Variants in SYT1 observed in about 807,000 individuals in gnomAD.
SYT1 encodes synaptotagmin-1.
In SYT1, 8 loss-of-function variants were observed where a neutral mutation model predicts 44.8. The observed-to-expected ratio is 0.18, with a 90% CI of 0.10 to 0.32. SYT1 has a LOEUF of 0.32. SYT1 is among the 10% of genes least tolerant of loss of function. The pLI, the probability that SYT1 is intolerant of heterozygous loss-of-function variation, is 1.00. For synonymous variants in SYT1, 154 were observed against 188.8 expected (o/e 0.82, Z 1.51); for missense variants, 286 against 509.3 (o/e 0.56, Z 4.22).
intron 9 of SYT1, among the ~76,000 whole-genome samples, chr12:79,436,908 T>C (rs1378582147): frequency 2.0e-5 from 3 of 152,292 alleles, no homozygotes; most frequent in South Asian, 2.1e-4. Flanking sequence ...ACATGTACTT[T>C]ACGGTAGTAC....
intron 4 of SYT1, among the ~76,000 whole-genome samples, chr12:79,251,044 G>A (rs1877181316): frequency 6.6e-6 from 1 of 152,108 alleles, no homozygotes. Flanking sequence ...CAGTAAAGAA[G>A]ACTGCAAAAT....
intron 4 of SYT1, among the ~76,000 whole-genome samples, chr12:79,258,719 T>G (rs1877669037): frequency 1.3e-5 from 2 of 152,210 alleles, no homozygotes; most frequent in Non-Finnish European, 2.9e-5. Context: ...AGGTTACCCC[T>G]TAGGAAGAGA....
intron 3 of SYT1, among the ~76,000 whole-genome samples, chr12:79,066,619 T>A (rs1345563379): frequency 6.6e-6 from 1 of 152,182 alleles, no homozygotes; most frequent in African/African-American, 2.4e-5. Context: ...ATACTTAATC[T>A]AATATTCAAT....
chr12:78,873,082 ATTTG>A (rs1170207428), intron 1 of SYT1, among the ~76,000 whole-genome samples: 1 of 151,516 alleles, frequency 6.6e-6, no homozygotes, highest in Non-Finnish European at 1.5e-5. Flanking sequence ...CTGTATTTTT[ATTTG>A]TTTATTTATT....
At position 79,431,747 on chromosome 12, in the gene SYT1, T is replaced by C. The variant is rs949582260; in HGVS notation, c.929-12326T>C. 2.0e-5 allele frequency among the ~76,000 whole-genome samples: 3 copies of C among 152,012 alleles called. No individual in the cohort carries two copies. In the South Asian group the frequency reaches 6.2e-4, roughly 31 times the overall value. ...TAGTACAGACGGGGTTTCACCATGTTGGTCAGGCTGGTCTCGAACTCCTGA... is the reference window on the plus strand; with the variant it reads ...TAGTACAGACGGGGTTTCACCATGTCGGTCAGGCTGGTCTCGAACTCCTGA... On this transcript the variant is annotated intron_variant, in intron 9 of 10. Coordinates refer to ENST00000261205, the MANE Select transcript of SYT1 (RefSeq NM_005639.3).
intron 2 of SYT1, 102 bp downstream of exon 2, chr12:78,978,033 G>A (rs1868974275): frequency 6.6e-6 from 1 of 152,168 alleles, no homozygotes; most frequent in Non-Finnish European, 1.5e-5. Flanking sequence ...CGGAGGGAAG[G>A]GTAGTATTTG....
intron 4 of SYT1, among the ~76,000 whole-genome samples, chr12:79,276,032 A>C (rs1182996684): frequency 6.6e-6 from 1 of 152,228 alleles, no homozygotes; most frequent in African/African-American, 2.4e-5. Context: ...ATCATAAACT[A>C]TACACATTAT....
intron 9 of SYT1, among the ~76,000 whole-genome samples, chr12:79,374,956 C>T (rs759358385): frequency 5.3e-5 from 8 of 152,078 alleles, no homozygotes; most frequent in Non-Finnish European, 8.8e-5. Flanking sequence ...CATGGTCTCT[C>T]GCAACTAAAT....
At chr12:79,424,953 C>CTTTTTTTTTTTTTTTTTTTTTTTT (rs398040025) in intron 9 of SYT1, among the ~76,000 whole-genome samples, 3 of 85,250 alleles carry the variant, frequency 3.5e-5, no homozygotes, top group African/African-American at 9.3e-5. Context: ...TTTTCTTCTT[C>CTTTTTTTTTTTTTTTTTTTTTTTT]TTTTTTTTTT....
At chr12:78,910,237 T>C (rs942706871) in intron 1 of SYT1, among the ~76,000 whole-genome samples, 1 of 152,006 alleles carries the variant, frequency 6.6e-6, no homozygotes, top group African/African-American at 2.4e-5. Context: ...TAGTAGGTGT[T>C]TAACAGATAT....
At chr12:79,015,763 T>A (rs1057259869) in intron 2 of SYT1, among the ~76,000 whole-genome samples, 1 of 152,212 alleles carries the variant, frequency 6.6e-6, no homozygotes, top group Non-Finnish European at 1.5e-5. Flanking sequence ...TATGCCATCA[T>A]GTTTATCCTT....
At chr12:79,299,733 G>A (rs1266232641) in intron 8 of SYT1, among the ~76,000 whole-genome samples, 182 bp downstream of exon 8, 1 of 138,478 alleles carries the variant, frequency 7.2e-6, no homozygotes, top group Non-Finnish European at 1.6e-5. Context: ...TCTTCTGGGT[G>A]TTATCTGAAA....
intron 3 of SYT1, among the ~76,000 whole-genome samples, chr12:79,066,809 A>G (rs1671099806): frequency 6.6e-6 from 1 of 152,166 alleles, no homozygotes; most frequent in African/African-American, 2.4e-5. Context: ...CTTTTGGTCT[A>G]GTTGGTTCCC....
intron 1 of SYT1, among the ~76,000 whole-genome samples, chr12:78,953,585 C>T (rs1478183294): frequency 6.6e-6 from 1 of 152,038 alleles, no homozygotes; most frequent in East Asian, 1.9e-4. Context: ...GGAAATAATG[C>T]ACAAGAAGCA....
intron 3 of SYT1, among the ~76,000 whole-genome samples, chr12:79,161,105 G>C (rs907059148): frequency 1.3e-5 from 2 of 151,980 alleles, no homozygotes; most frequent in African/African-American, 4.8e-5. Flanking sequence ...GCCAGGTATG[G>C]TGGGTGCACC....
intron 4 of SYT1, among the ~76,000 whole-genome samples, chr12:79,270,217 T>C (rs1252312725): frequency 1.3e-5 from 2 of 152,320 alleles, no homozygotes; most frequent in East Asian, 1.9e-4. Flanking sequence ...GCACCTTGCA[T>C]CTACTTATAA....
chr12:79,377,306 T>G (rs1884038743), intron 9 of SYT1, among the ~76,000 whole-genome samples: 1 of 152,112 alleles, frequency 6.6e-6, no homozygotes. Context: ...AGAGACGAGG[T>G]TTCACCGTTT....
At chr12:79,362,653 A>C (rs947720953) in intron 9 of SYT1, among the ~76,000 whole-genome samples, 14 of 152,242 alleles carry the variant, frequency 9.2e-5, no homozygotes, top group Middle Eastern at 3.4e-3. Context: ...GAACAGCGGG[A>C]CTTTGTGGTC....
In SYT1 at chr12:78,931,667, A is replaced by T. The variant is rs188203225; in HGVS notation, c.-216-46132A>T. Among the ~76,000 whole-genome samples the T allele has an allele frequency of 4.5e-4, 68 of 152,292 alleles. 2 individuals are homozygous for T. Among genetic ancestry groups the T allele is most frequent in the Admixed American group, 4.3e-3 (66 of 15,306 alleles). On this transcript the variant is annotated intron_variant, in intron 1 of 10. Coordinates refer to ENST00000261205, the MANE Select transcript of SYT1 (RefSeq NM_005639.3). Reference sequence around the variant, plus strand: ...TAACAATTTTGTTTTGAGACTTCTAACAGACTTTCTGGAGCTCTCCTACCA... The same window carrying T: ...TAACAATTTTGTTTTGAGACTTCTATCAGACTTTCTGGAGCTCTCCTACCA...
Sources: allele counts gnomAD v4.1 joint callset (sites outside exome capture counted in the v4.1 genomes callset), GRCh38; gene constraint gnomAD v4.1.1; transcripts MANE v1.5; gene names NCBI Gene and HGNC (gene_info 2026-07-23, HGNC 2026-07-21).